The following SYNE2 variants were observed in gnomAD, a reference collection of about 807,000 sequenced individuals.
The protein encoded by SYNE2 is spectrin repeat containing nuclear envelope protein 2, also known as nesprin-2.
In SYNE2, 431 loss-of-function variants were observed where a neutral mutation model predicts 856.3. The ratio of observed to expected loss-of-function variants is 0.50; its 90% CI spans 0.47 to 0.55. SYNE2 has a LOEUF of 0.55. Among genes scored for constraint, SYNE2 ranks in the 20% least tolerant of loss-of-function variants. SYNE2 has a pLI of 0.00. For missense variants in SYNE2, 8,129 were observed against 8,023.2 expected (o/e 1.01, Z -0.50); for synonymous variants, 2,923 against 2,872.3 (o/e 1.02, Z -0.56).
Position 64,159,450 on chromosome 14 carries a change from T to C in SYNE2, c.16094+8T>C, listed in dbSNP as rs1284425721. On this transcript the variant is annotated splice_region_variant and intron_variant, in intron 87 of 115. Transcript: ENST00000555002. ...CCAAAATACTCATAAAAGGTATGCT[T>C]TCAGATATAATTTGAATGATAGATA... The C allele has an allele frequency of 6.2e-7, 1 of 1,613,180 alleles. No homozygotes were observed. The highest frequency in any genetic ancestry group is 8.5e-7 in the Non-Finnish European group (1 of 1,179,522).
At chr14:63,800,303 C>T (rs773613825) in intron 1 of SYNE2, among the ~76,000 whole-genome samples, 7 of 152,094 alleles carry the variant, frequency 4.6e-5, no homozygotes, top group Non-Finnish European at 1.0e-4. Context: ...TCACTGCAAC[C>T]TCTGCCTCCC....
chr14:64,159,220 T>A lies in SYNE2; in HGVS notation c.15964-92T>A, dbSNP rs2098309902. ...CAGAGCTGTAAGATTTGAGTGTTAT[T>A]GCTACATAGTAGCAAGTGTTGAGAA... On this transcript the variant is annotated intron_variant, in intron 86 of 115. Coordinates refer to ENST00000555002, the MANE Select transcript of SYNE2 (RefSeq NM_182914.3). 9 of 1,521,170 alleles carry A rather than the reference T, an allele frequency of 5.9e-6. No individual in the cohort carries two copies. In the East Asian group the frequency reaches 2.0e-4, roughly 34 times the overall value. 94.2% of individuals were successfully genotyped at this position (1,521,170 alleles called of 1,614,324 possible).
chr14:64,137,689 C>A, intron 78 of SYNE2, 98 bp from the exon 79 acceptor site: 1 of 1,214,050 alleles, frequency 8.2e-7, no homozygotes, highest in Non-Finnish European at 1.2e-6. Context: ...ACTGTTTTAT[C>A]AGTGGACACA....
rs61984122 is a variant in SYNE2 at position 64,037,754 on chromosome 14, C to T, written c.7221+6397C>T. On this transcript the variant is annotated intron_variant, in intron 45 of 115. Coordinates refer to ENST00000555002, the MANE Select transcript of SYNE2 (RefSeq NM_182914.3). Reference sequence around the variant, plus strand: ...CTCCCTCCCGGACGGGGCGGCTGGCCGGGCAGAGGGGCCTCTCACTTCCCA... The same window carrying T: ...CTCCCTCCCGGACGGGGCGGCTGGCTGGGCAGAGGGGCCTCTCACTTCCCA... Among the ~76,000 whole-genome samples the T allele has an allele frequency of 7.5e-3, 315 of 42,180 alleles. 5 individuals are homozygous for T. The highest frequency in any genetic ancestry group is 0.016 in the African/African-American group (300 of 18,436). 27.7% of individuals were successfully genotyped at this position (42,180 alleles called of 152,430 possible).
chr14:63,994,207 A>C (rs2096693615), intron 22 of SYNE2, among the ~76,000 whole-genome samples: 3 of 152,196 alleles, frequency 2.0e-5, no homozygotes, highest in African/African-American at 2.4e-5. Flanking sequence ...AACTTTTAGG[A>C]GCCTCCCTGA....
chr14:63,824,811 C>A (rs1377915023), intron 1 of SYNE2, among the ~76,000 whole-genome samples: 1 of 152,016 alleles, frequency 6.6e-6, no homozygotes, highest in Non-Finnish European at 1.5e-5. Flanking sequence ...TATGCACCCA[C>A]AAAAATTAAA....
At position 64,113,491 on chromosome 14, in the gene SYNE2, C is replaced by G. The variant is rs1320978610; in HGVS notation, c.12760C>G (p.Gln4254Glu). 5.6e-6 allele frequency: 9 copies of G among 1,614,010 alleles called. No homozygotes were observed. Among genetic ancestry groups the G allele is most frequent in the Non-Finnish European group, 7.6e-6 (9 of 1,180,018 alleles). Residue 4254 changes from glutamine (Q) to glutamate (E), a missense_variant, in exon 66 of 116, where the codon CAA becomes GAA. By Grantham distance (29) the Gln-to-Glu change is conservative. This residue lies in a region of SYNE2 where 5,410 missense variants were observed against 5,284.8 expected (regional missense o/e 1.02). Coordinates refer to ENST00000555002, the MANE Select transcript of SYNE2 (RefSeq NM_182914.3). ...QVAELELWLQ[Q>E]ANVAVEPETL... is the part of the protein sequence containing the mutation. ...GGCCGAGCTGGAGCTGTGGCTGCAA[C>G]AAGCCAACGTGGCAGTTGAGCCGGA...
At chr14:64,091,731 G>T (rs1301741494) in intron 60 of SYNE2, among the ~76,000 whole-genome samples, 2 of 152,166 alleles carry the variant, frequency 1.3e-5, no homozygotes, top group Admixed American at 6.5e-5. Flanking sequence ...TCTTTAGTTT[G>T]TATTCCTGGA....
intron 33 of SYNE2, among the ~76,000 whole-genome samples, chr14:64,017,013 C>CAA (rs200365668): frequency 6.7e-6 from 1 of 150,006 alleles, no homozygotes; most frequent in Admixed American, 6.6e-5. Context: ...TACCATTTAA[C>CAA]AAAAAAAAAT....
At chr14:64,222,581 C>G (rs2098699580) in intron 112 of SYNE2, among the ~76,000 whole-genome samples, 2 of 152,108 alleles carry the variant, frequency 1.3e-5, no homozygotes, top group Non-Finnish European at 2.9e-5. Context: ...GAAAAATTAG[C>G]TGGGCATGGT....
intron 99 of SYNE2, among the ~76,000 whole-genome samples, chr14:64,194,233 C>G (rs1243093611): frequency 6.6e-6 from 1 of 151,968 alleles, no homozygotes; most frequent in Non-Finnish European, 1.5e-5. Context: ...GTTCATTTGT[C>G]AAATTAAAGG....
chr14:63,945,715 C>T (rs1045192365), intron 6 of SYNE2, among the ~76,000 whole-genome samples: 2 of 152,044 alleles, frequency 1.3e-5, no homozygotes, highest in Non-Finnish European at 2.9e-5. Context: ...ACCTCTGCCT[C>T]CTGGGTTCAA....
At chr14:63,906,460 A>T (rs1034250533) in intron 1 of SYNE2, among the ~76,000 whole-genome samples, 2 of 151,856 alleles carry the variant, frequency 1.3e-5, no homozygotes, top group African/African-American at 4.8e-5. Context: ...GGTAGGTTTT[A>T]AAAAAAATTA....
At chr14:63,991,834 A>C (rs771203070) in intron 21 of SYNE2, among the ~76,000 whole-genome samples, 6 of 152,142 alleles carry the variant, frequency 3.9e-5, no homozygotes, top group Non-Finnish European at 8.8e-5. Context: ...TGAGCTGGGC[A>C]TTTAGGGGAA....
intron 109 of SYNE2, among the ~76,000 whole-genome samples, 195 bp from the exon 110 acceptor site, chr14:64,219,013 G>A (rs1168391381): frequency 1.3e-5 from 2 of 151,364 alleles, no homozygotes; most frequent in East Asian, 2.0e-4. Flanking sequence ...GGGAGTGTAC[G>A]CCTCAGATCA....
chr14:63,983,031 T>C (rs917180527), intron 17 of SYNE2, among the ~76,000 whole-genome samples: 3 of 152,218 alleles, frequency 2.0e-5, no homozygotes, highest in African/African-American at 7.2e-5. Context: ...TGTCTTTCTA[T>C]AGATTAGCCT....
chr14:63,832,383 C>G (rs56338443), intron 1 of SYNE2, among the ~76,000 whole-genome samples: 1 of 151,834 alleles, frequency 6.6e-6, no homozygotes, highest in African/African-American at 2.4e-5. Context: ...TCAAGTGATC[C>G]TCCCACCTCG....
chr14:64,153,142 A>G (rs1297434945), intron 85 of SYNE2, among the ~76,000 whole-genome samples: 1 of 152,236 alleles, frequency 6.6e-6, no homozygotes, highest in Non-Finnish European at 1.5e-5. Context: ...GAGCATAGTC[A>G]GCTCCAGGAG....
chr14:63,775,749 TTTTGTTTG>T lies in SYNE2; in HGVS notation c.-305+13783_-305+13790del, dbSNP rs576349413. On this transcript the variant is annotated intron_variant, in intron 1 of 23. Coordinates refer to the SYNE2 transcript ENST00000674003. Reference sequence around the variant, plus strand: ...GGTGCGTGCCACCGCCCCTGGCTAATTTTGTTTGTTTGTTTGTTTGTTTGTTTTGTAGA... The same window carrying T: ...GGTGCGTGCCACCGCCCCTGGCTAATTTTGTTTGTTTGTTTGTTTTGTAGA... Among the ~76,000 whole-genome samples the T allele has an allele frequency of 1.4e-3, 217 of 152,124 alleles. 1 individual carries two copies. The highest frequency in any genetic ancestry group is 4.4e-3 in the South Asian group (21 of 4,814).
Sources: allele counts gnomAD v4.1 joint callset (sites outside exome capture counted in the v4.1 genomes callset), GRCh38; gene constraint gnomAD v4.1.1; regional missense constraint gnomAD v4.1.1; transcripts MANE v1.5; gene names NCBI Gene and HGNC (gene_info 2026-07-23, HGNC 2026-07-21).